ZNF136: variants seen among roughly 807,000 people sequenced by gnomAD.
ZNF136 encodes the protein zinc finger protein 136 (clone pHZ-20).
ZNF136 carries 8 observed loss-of-function variants against 11.4 expected under a neutral mutation model. That is an observed-to-expected ratio of 0.70 (90% CI 0.41 to 1.27). The LOEUF (loss-of-function observed/expected upper bound fraction) is 1.27, where lower values mean the gene tolerates loss of function less well. ZNF136 is among the 50% of genes most tolerant of loss of function. ZNF136 has a pLI of 0.01. For synonymous variants in ZNF136, 190 were observed against 207.1 expected, an observed-to-expected ratio of 0.92 and a Z score of 0.71; for missense variants, 590 against 656.5, an observed-to-expected ratio of 0.90 and a Z score of 1.11.
intron 1 of ZNF136, among the ~76,000 whole-genome samples, chr19:12,176,632 A>G (rs912000181): frequency 1.3e-5 from 2 of 152,076 alleles, no homozygotes; most frequent in Admixed American, 1.3e-4. Context: ...CAGCCTTTCC[A>G]TGAGTATTAA....
At chr19:12,183,859 C>G in intron 1 of ZNF136, among the ~76,000 whole-genome samples, 1 of 152,292 alleles carries the variant, frequency 6.6e-6, no homozygotes, top group South Asian at 2.1e-4. Flanking sequence ...GCCTCAACCT[C>G]CCAATGTGAT....
At chr19:12,163,344 C>G in intron 1 of ZNF136, 138 bp downstream of exon 1, 3 of 1,158,862 alleles carry the variant, frequency 2.6e-6, no homozygotes, top group South Asian at 6.7e-5. Flanking sequence ...CAGCTCAGCC[C>G]TTGGTACCCT....
At chr19:12,186,211 G>A (rs752569769) in intron 3 of ZNF136, 37 bp downstream of exon 3, 13 of 1,582,984 alleles carry the variant, frequency 8.2e-6, no homozygotes, top group Non-Finnish European at 1.1e-5. Context: ...TCACTTGAAA[G>A]TACCTTAGCA....
chr19:12,176,942 A>G (rs1914811012), intron 1 of ZNF136, among the ~76,000 whole-genome samples: 1 of 152,120 alleles, frequency 6.6e-6, no homozygotes, highest in Non-Finnish European at 1.5e-5. Context: ...GTGATTTTGT[A>G]TGTCTGATGG....
chr19:12,186,088 A>T, intron 2 of ZNF136, 26 bp from the exon 3 acceptor site: 1 of 1,603,720 alleles, frequency 6.2e-7, no homozygotes, highest in Non-Finnish European at 8.5e-7. Flanking sequence ...GCACTAATTC[A>T]GAATTTTTCT....
At position 12,163,142 on chromosome 19, in the gene ZNF136, C is replaced by T. The variant is rs562455925; in HGVS notation, c.-62C>T. 6 of 1,393,884 alleles carry T rather than the reference C, an allele frequency of 4.3e-6. No individual in the cohort carries two copies. In the African/African-American group the frequency reaches 7.4e-5, roughly 17 times the overall value. The allele number at this position is 1,393,884 out of a possible 1,614,324, so 86.3% of individuals were successfully genotyped here. ...TGGCTCGCCTGGAGTCTCTGTGGCG[C>T]GGTTTCCTGTACCTGCCTTGGGATC... On this transcript the variant is annotated 5_prime_UTR_variant, in exon 1 of 4. Coordinates refer to ENST00000343979, the MANE Select transcript of ZNF136 (RefSeq NM_003437.5).
intron 1 of ZNF136, among the ~76,000 whole-genome samples, chr19:12,172,361 A>T (rs1363692991): frequency 1.3e-5 from 2 of 152,126 alleles, no homozygotes; most frequent in Non-Finnish European, 1.5e-5. Flanking sequence ...CTTGGAGGAT[A>T]TTTAAAATGT....
intron 1 of ZNF136, among the ~76,000 whole-genome samples, chr19:12,179,549 G>A (rs908985347): frequency 1.3e-4 from 20 of 152,154 alleles, no homozygotes; most frequent in Middle Eastern, 3.4e-3. Flanking sequence ...GACCTCAGGT[G>A]GTCTGCCAGC....
chr19:12,189,202 T>C lies in ZNF136; in HGVS notation c.*1201T>C, dbSNP rs528994105. ...ATATGGTTGCTTAATTGTTCTGTGA[T>C]TGAGGACCACTGAAAAATAAGTCTT... is the stretch of plus-strand genomic sequence containing the variant. On this transcript the variant is annotated 3_prime_UTR_variant, in exon 4 of 4. Transcript: ENST00000343979. 6.6e-6 allele frequency: 1 copy of C among 152,370 alleles called. No individual in the cohort carries two copies. The highest frequency in any genetic ancestry group is 2.4e-5 in the African/African-American group (1 of 41,592). The allele number at this position is 152,370 out of a possible 1,614,324, so 9.4% of individuals were successfully genotyped here. A position where few individuals can be genotyped will look rare whatever the true frequency, so the allele number is the denominator to read the frequency against.
At chr19:12,185,003 G>A (rs1198437382) in intron 1 of ZNF136, 3 of 152,256 alleles carry the variant, frequency 2.0e-5, no homozygotes, top group Admixed American at 1.3e-4. Flanking sequence ...GGGCAGGCCA[G>A]TGGTGTTAGA....
At chr19:12,179,301 TTC>T (rs1914881065) in intron 1 of ZNF136, among the ~76,000 whole-genome samples, 1 of 152,000 alleles carries the variant, frequency 6.6e-6, no homozygotes. Flanking sequence ...TCAAAAGAAT[TTC>T]TTTTTTTTTT....
intron 1 of ZNF136, among the ~76,000 whole-genome samples, chr19:12,173,299 T>A (rs1283116322): frequency 1.3e-5 from 2 of 152,170 alleles, no homozygotes; most frequent in East Asian, 3.9e-4. Context: ...TAGTCCATAC[T>A]CTTTTTGTCC....
intron 1 of ZNF136, chr19:12,169,386 A>G (rs1914578548): frequency 6.6e-6 from 1 of 152,252 alleles, no homozygotes; most frequent in African/African-American, 2.4e-5. Flanking sequence ...AGAAGGGGAC[A>G]GTAGGGTGAG....
At position 12,186,993 on chromosome 19, in the gene ZNF136, T is replaced by A. The variant is rs1568404663; in HGVS notation, c.615T>A (p.Phe205Leu). 1.2e-6 allele frequency: 2 copies of A among 1,614,098 alleles called. No homozygotes were observed. Among genetic ancestry groups the A allele is most frequent in the African/African-American group, 1.3e-5 (1 of 75,036 alleles). The change falls in exon 4 of 4, where the codon TTT becomes TTA. Residue 205 changes from phenylalanine to leucine, a missense_variant. By Grantham distance (22) the Phe-to-Leu change is conservative (BLOSUM62 0). Transcript: ENST00000343979. ...AATGTAAGGTGTGTGGGAAAGCTTTTGATTATCCCAGTAGATTTCGAACAC... is the reference window on the plus strand; with the variant it reads ...AATGTAAGGTGTGTGGGAAAGCTTTAGATTATCCCAGTAGATTTCGAACAC... ...PYKCKVCGKA[F>L]DYPSRFRTHE...
rs1214402359 is a variant in ZNF136, at chr19:12,183,643, G to C, written c.4-2142G>C. On this transcript the variant is annotated intron_variant, in intron 1 of 3. Transcript: ENST00000343979. ...GACAGGGTCTTCCTCTTTTGCCCAG[G>C]TTGGAGTGCATTGGCACCCATCATA... Among the ~76,000 whole-genome samples, 3 of 151,894 alleles carry C rather than the reference G, an allele frequency of 2.0e-5. No homozygotes were observed. In the East Asian group the frequency reaches 5.8e-4, roughly 29 times the overall value.
Position 12,189,692 on chromosome 19 carries a change from T to G in ZNF136, c.*1691T>G, listed in dbSNP as rs375132846. 1 of 152,164 alleles carries G rather than the reference T, an allele frequency of 6.6e-6. No homozygotes were observed. The highest frequency in any genetic ancestry group is 1.5e-5 in the Non-Finnish European group (1 of 68,034). 9.4% of individuals were successfully genotyped at this position (152,164 alleles called of 1,614,324 possible). Reference sequence around the variant, plus strand: ...TTGGCTCAAATAATTTTATTTTGCTTCCTATTAAAGAGTTGTTGTTAATTC... The same window carrying G: ...TTGGCTCAAATAATTTTATTTTGCTGCCTATTAAAGAGTTGTTGTTAATTC... On this transcript the variant is annotated 3_prime_UTR_variant, in exon 4 of 4. Coordinates refer to ENST00000343979, the MANE Select transcript of ZNF136 (RefSeq NM_003437.5).
At chr19:12,168,134 G>A (rs1184212836) in intron 1 of ZNF136, among the ~76,000 whole-genome samples, 3 of 137,572 alleles carry the variant, frequency 2.2e-5, no homozygotes, top group East Asian at 2.3e-4. Context: ...GTGCAGTGGC[G>A]CGATCCCGGC....
At chr19:12,182,773 G>C (rs1036756583) in intron 1 of ZNF136, among the ~76,000 whole-genome samples, 2 of 152,132 alleles carry the variant, frequency 1.3e-5, no homozygotes, top group Non-Finnish European at 2.9e-5. Flanking sequence ...ACAGTCCACT[G>C]TCTCTGGGAA....
At chr19:12,185,988 G>T in intron 2 of ZNF136, 77 bp downstream of exon 2, 1 of 1,602,824 alleles carries the variant, frequency 6.2e-7, no homozygotes, top group Non-Finnish European at 8.5e-7. Context: ...TCCATGGTTT[G>T]CATCATGGAG....
Sources: allele counts gnomAD v4.1 joint callset (sites outside exome capture counted in the v4.1 genomes callset), GRCh38; gene constraint gnomAD v4.1.1; transcripts MANE v1.5; gene names NCBI Gene and HGNC (gene_info 2026-07-23, HGNC 2026-07-21).